The following PDE10A variants were observed in gnomAD, a reference collection of about 807,000 sequenced individuals.
PDE10A encodes the protein phosphodiesterase 10A, also known as cAMP and cAMP-inhibited cGMP 3',5'-cyclic phosphodiesterase 10A.
In PDE10A, 39 loss-of-function variants were observed where a neutral mutation model predicts 97.7. The ratio of observed to expected loss-of-function variants is 0.40; its 90% CI spans 0.31 to 0.52. PDE10A has a LOEUF of 0.52. Among genes scored for constraint, PDE10A ranks in the 20% least tolerant of loss-of-function variants. The pLI is 0.56. For synonymous variants in PDE10A, 371 were observed against 376.8 expected, an observed-to-expected ratio of 0.98 and a Z score of 0.18; for missense variants, 731 against 1,047.8, an observed-to-expected ratio of 0.70 and a Z score of 4.17.
At chr6:165,431,037 C>T (rs1199196025) in intron 8 of PDE10A, among the ~76,000 whole-genome samples, 1 of 152,046 alleles carries the variant, frequency 6.6e-6, no homozygotes, top group Non-Finnish European at 1.5e-5. Context: ...TAGAATGTTT[C>T]ATAGATCACT....
chr6:165,653,039 T>C (rs1009120829), intron 1 of PDE10A, among the ~76,000 whole-genome samples: 3 of 152,214 alleles, frequency 2.0e-5, no homozygotes, highest in Non-Finnish European at 4.4e-5. Context: ...TGCCAACTAG[T>C]GTATTTGGAT....
intron 1 of PDE10A, among the ~76,000 whole-genome samples, chr6:165,873,728 A>T (rs541673297): frequency 1.3e-5 from 2 of 152,316 alleles, no homozygotes; most frequent in East Asian, 3.9e-4. Context: ...ATGCAAAAAA[A>T]ATTGCCCTTT....
Position 165,646,596 on chromosome 6 carries a change from C to G in PDE10A, c.865+15351G>C, listed in dbSNP as rs554714067. ...TTCATTCAGCACGCGCTCAGTGATT[C>G]CTGCAGGGCACTGCTAGTCATCTGA... On this transcript the variant is annotated intron_variant, in intron 1 of 21. Coordinates refer to ENST00000539869, the MANE Select transcript of PDE10A (RefSeq NM_001385079.1). Among the ~76,000 whole-genome samples, 45 of 152,312 alleles carry G rather than the reference C, an allele frequency of 3.0e-4. 1 individual carries two copies. The highest frequency in any genetic ancestry group is 1.7e-3 in the Admixed American group (26 of 15,302).
chr6:165,963,027 C>T (rs961966094), intron 1 of PDE10A, among the ~76,000 whole-genome samples: 6 of 152,238 alleles, frequency 3.9e-5, no homozygotes, highest in African/African-American at 1.4e-4. Flanking sequence ...CTTACAAAAA[C>T]ATCAGTCTAT....
intron 2 of PDE10A, among the ~76,000 whole-genome samples, chr6:165,513,720 A>G (rs535169741): frequency 2.8e-4 from 42 of 152,214 alleles, no homozygotes; most frequent in African/African-American, 8.2e-4. Flanking sequence ...CATAGTTTTC[A>G]GTTTACAAAT....
intron 14 of PDE10A, among the ~76,000 whole-genome samples, chr6:165,395,566 A>G (rs1247185308): frequency 6.6e-6 from 1 of 152,216 alleles, no homozygotes; most frequent in Non-Finnish European, 1.5e-5. Flanking sequence ...TACAAATATT[A>G]GATAAATATA....
intron 1 of PDE10A, among the ~76,000 whole-genome samples, chr6:165,977,288 G>A (rs79551667): frequency 0.018 from 2,676 of 152,248 alleles, 34 homozygotes; most frequent in Middle Eastern, 0.041. Flanking sequence ...CTGAACTTAC[G>A]GACTTTCCTA....
chr6:165,494,454 GT>G (rs1466803346), intron 2 of PDE10A, among the ~76,000 whole-genome samples: 57 of 130,278 alleles, frequency 4.4e-4, no homozygotes, highest in African/African-American at 3.6e-5. Context: ...TAAAGAAAAT[GT>G]GGGGGGGGGT....
At chr6:165,415,845 G>A (rs926993248) in intron 12 of PDE10A, among the ~76,000 whole-genome samples, 3 of 152,132 alleles carry the variant, frequency 2.0e-5, no homozygotes, top group African/African-American at 7.2e-5. Context: ...CAGCCTTTGA[G>A]CATATGATTT....
intron 18 of PDE10A, among the ~76,000 whole-genome samples, chr6:165,349,607 CTGAG>C (rs1354566263): frequency 6.6e-6 from 1 of 152,190 alleles, no homozygotes; most frequent in Admixed American, 6.5e-5. Flanking sequence ...TAACAAAGAA[CTGAG>C]TGTTAATCAC....
chr6:165,555,202 T>C (rs534848411), intron 1 of PDE10A, among the ~76,000 whole-genome samples: 1 of 152,300 alleles, frequency 6.6e-6, no homozygotes, highest in South Asian at 2.1e-4. Flanking sequence ...GATAAAAGCT[T>C]GTGGGGATGG....
chr6:165,511,001 T>A (rs536887232), intron 2 of PDE10A, among the ~76,000 whole-genome samples: 3 of 152,104 alleles, frequency 2.0e-5, no homozygotes, highest in African/African-American at 7.2e-5. Context: ...TAGTTATTTT[T>A]AGTCTTATAA....
Position 165,545,538 on chromosome 6 carries a change from T to C in PDE10A, c.866-1970A>G, listed in dbSNP as rs1371970921. Among the ~76,000 whole-genome samples the C allele has an allele frequency of 2.0e-5, 3 of 152,026 alleles. 1 individual carries two copies. The East Asian group carries it at 5.8e-4, about 29-fold the overall frequency. ...GCCAAATTACATGAGATAAAAGATA[T>C]GCATCCAAAATAAACAAAAAAACAC... On this transcript the variant is annotated intron_variant, in intron 1 of 21. Transcript: ENST00000539869.
intron 3 of PDE10A, among the ~76,000 whole-genome samples, chr6:165,466,552 C>T (rs1482360880): frequency 2.0e-5 from 3 of 152,230 alleles, no homozygotes; most frequent in Non-Finnish European, 4.4e-5. Context: ...AAAATTCCAT[C>T]AGCGCCACTT....
In PDE10A at chr6:165,519,334, T is replaced by C. The variant is rs568293433; in HGVS notation, c.994+24106A>G. 3.3e-5 allele frequency among the ~76,000 whole-genome samples: 5 copies of C among 152,232 alleles called. No homozygotes were observed. The South Asian group carries it at 6.2e-4, about 19-fold the overall frequency. ...CAAAAATCTAAAAGAGTTAGAATCT[T>C]AGGAGTTACAGAAATCACAACTTCT... On this transcript the variant is annotated intron_variant, in intron 2 of 21. Transcript: ENST00000539869.
chr6:165,650,375 C>T (rs981825876), intron 1 of PDE10A, among the ~76,000 whole-genome samples: 1 of 152,208 alleles, frequency 6.6e-6, no homozygotes, highest in Non-Finnish European at 1.5e-5. Context: ...CTTCTCCCCT[C>T]CACCTCCCTT....
chr6:165,676,044 A>C (rs1237558352), intron 1 of PDE10A, among the ~76,000 whole-genome samples: 1 of 152,232 alleles, frequency 6.6e-6, no homozygotes, highest in African/African-American at 2.4e-5. Context: ...AAGACTCCTT[A>C]GCCATAAAAA....
At chr6:165,537,832 C>A (rs1480543323) in intron 2 of PDE10A, among the ~76,000 whole-genome samples, 8 of 151,200 alleles carry the variant, frequency 5.3e-5, no homozygotes, top group Non-Finnish European at 1.0e-4. Context: ...ACATTTGAGA[C>A]AAAAAAATTG....
intron 1 of PDE10A, among the ~76,000 whole-genome samples, chr6:165,565,785 T>C (rs148463275): frequency 9.9e-4 from 150 of 152,208 alleles, no homozygotes; most frequent in African/African-American, 2.6e-3. Flanking sequence ...CAAATAAATA[T>C]ATAAAACTGA....
Sources: gnomAD v4.1 joint callset for allele counts (sites outside exome capture counted in the v4.1 genomes callset) on GRCh38, gnomAD v4.1.1 for gene constraint, MANE v1.5 for transcripts, NCBI Gene and HGNC (gene_info 2026-07-23, HGNC 2026-07-21) for gene names.